DAB2IP: variants seen among roughly 807,000 people sequenced by gnomAD.
DAB2IP encodes the protein disabled homolog 2-interacting protein.
A neutral mutation model predicts 107.2 loss-of-function variants in DAB2IP; 28 were observed. The observed-to-expected ratio is 0.26, with a 90% CI of 0.19 to 0.36. DAB2IP has a LOEUF of 0.36. Among genes scored for constraint, DAB2IP ranks in the 10% least tolerant of loss-of-function variants. The pLI is 1.00. For missense variants in DAB2IP, 1,400 were observed against 1,644.7 expected, an observed-to-expected ratio of 0.85 and a Z score of 2.57; for synonymous variants, 755 against 706.4, an observed-to-expected ratio of 1.07 and a Z score of -1.09.
chr9:121,671,953 G>C (rs1479737302), intron 1 of DAB2IP, among the ~76,000 whole-genome samples: 1 of 152,202 alleles, frequency 6.6e-6, no homozygotes, highest in African/African-American at 2.4e-5. Flanking sequence ...TAGGAGGGAA[G>C]GTTCTGGCCC....
At chr9:121,679,245 G>A (rs12350307) in intron 2 of DAB2IP, among the ~76,000 whole-genome samples, 27,504 of 151,922 alleles carry the variant, frequency 0.18, 4,022 homozygotes, top group African/African-American at 0.39. Flanking sequence ...TATAACTGAT[G>A]ATGGCTTAGA....
At chr9:121,722,045 T>C (rs2091652297) in intron 3 of DAB2IP, among the ~76,000 whole-genome samples, 1 of 152,190 alleles carries the variant, frequency 6.6e-6, no homozygotes, top group African/African-American at 2.4e-5. Flanking sequence ...CCCAACACCG[T>C]CACATAAATG....
chr9:121,775,567 C>A (rs1233345725), intron 13 of DAB2IP, among the ~76,000 whole-genome samples: 2 of 152,226 alleles, frequency 1.3e-5, no homozygotes, highest in Admixed American at 1.3e-4. Context: ...CTCCTCTCTG[C>A]AGCCACGCCG....
chr9:121,692,839 G>A lies in DAB2IP; in HGVS notation c.229-6486G>A, dbSNP rs150474247. Among the ~76,000 whole-genome samples the A allele has an allele frequency of 2.0e-3, 297 of 152,306 alleles. 1 individual carries two copies. The highest frequency in any genetic ancestry group is 7.0e-3 in the African/African-American group (289 of 41,574). On this transcript the variant is annotated intron_variant, in intron 2 of 15. Transcript: ENST00000408936. ...TGAGGGGAGGAGGCCAGAGAAGCCC[G>A]GCAGCCTGCTGAGGGTAGAGACCGG...
chr9:121,746,811 G>T (rs1832752754), intron 3 of DAB2IP, among the ~76,000 whole-genome samples: 1 of 152,170 alleles, frequency 6.6e-6, no homozygotes, highest in Non-Finnish European at 1.5e-5. Flanking sequence ...TCCCACTTGG[G>T]TCTCGCATCC....
chr9:121,605,803 G>T (rs1161388212), intron 1 of DAB2IP, among the ~76,000 whole-genome samples: 2 of 152,196 alleles, frequency 1.3e-5, no homozygotes, highest in Non-Finnish European at 1.5e-5. Context: ...ACCGCACCTG[G>T]CTTCTTTAGC....
chr9:121,630,157 A>C (rs2119014331), intron 1 of DAB2IP, among the ~76,000 whole-genome samples: 1 of 152,346 alleles, frequency 6.6e-6, no homozygotes, highest in South Asian at 2.1e-4. Flanking sequence ...CCCAGTTGTC[A>C]TGGGTATCCT....
chr9:121,616,468 G>T (rs959565320), intron 1 of DAB2IP, among the ~76,000 whole-genome samples: 1 of 152,202 alleles, frequency 6.6e-6, no homozygotes, highest in Non-Finnish European at 1.5e-5. Flanking sequence ...GAGGCAGGGG[G>T]ATACCCACAT....
At chr9:121,713,820 T>G (rs1830457182) in intron 3 of DAB2IP, among the ~76,000 whole-genome samples, 1 of 152,182 alleles carries the variant, frequency 6.6e-6, no homozygotes, top group Admixed American at 6.5e-5. Context: ...GGTACTGCAT[T>G]GCCACACCTG....
intron 1 of DAB2IP, among the ~76,000 whole-genome samples, chr9:121,576,628 G>A (rs1830062803): frequency 1.3e-5 from 2 of 152,176 alleles, no homozygotes; most frequent in Non-Finnish European, 2.9e-5. Flanking sequence ...GTGAGCCACA[G>A]TGAAAACTTG....
In DAB2IP at chr9:121,776,884, TAAG is replaced by T. The variant is rs1481697250; in HGVS notation, c.3314+495_3314+497del. Among the ~76,000 whole-genome samples, 3 of 152,020 alleles carry T rather than the reference TAAG, an allele frequency of 2.0e-5. No homozygotes were observed. In the South Asian group the frequency reaches 6.3e-4, roughly 32 times the overall value. ...TACCAGTTACTGAGCTGGGAACTGTTAAGAGGAGTGGTTTGAGTGGGGAGGGAG... is the reference window on the plus strand; with the variant it reads ...TACCAGTTACTGAGCTGGGAACTGTTAGGAGTGGTTTGAGTGGGGAGGGAG... On this transcript the variant is annotated intron_variant, in intron 14 of 15. Coordinates refer to ENST00000408936, the Ensembl canonical transcript of DAB2IP. The surrounding 1 kb of genome is among the most constrained non-coding windows in gnomAD (Gnocchi z 5.4).
intron 1 of DAB2IP, among the ~76,000 whole-genome samples, chr9:121,641,974 T>G (rs149409102): frequency 8.5e-5 from 7 of 82,092 alleles, no homozygotes; most frequent in Admixed American, 1.3e-4. Flanking sequence ...CTCTCTCTCT[T>G]TCTTTCTTTC....
In DAB2IP at chr9:121,699,414, G is replaced by A. The variant is rs776767659; in HGVS notation, c.318G>A (p.Leu106=). The A allele has an allele frequency of 6.8e-7, 1 of 1,469,718 alleles. No homozygotes were observed. The highest frequency in any genetic ancestry group is 9.1e-7 in the Non-Finnish European group (1 of 1,100,638). The allele number at this position is 1,469,718 out of a possible 1,614,324, so 91.0% of individuals were successfully genotyped here. A position where few individuals can be genotyped will look rare whatever the true frequency, so the allele number is the denominator to read the frequency against. Residue 106 remains leucine (L), a synonymous_variant, in exon 3 of 16, where the codon CTG becomes CTA. Coordinates refer to ENST00000408936, the Ensembl canonical transcript of DAB2IP. This position sits in a 1 kb window ranked among gnomAD's most constrained non-coding sequence, Gnocchi z 6.2. ...GCAACCACAGCTTCCGCCACATCCT[G>A]CCGGGGTTCCGGAGCGCCGCCGCCG...
intron 3 of DAB2IP, among the ~76,000 whole-genome samples, chr9:121,740,352 A>G (rs1174751578): frequency 6.6e-6 from 1 of 152,120 alleles, no homozygotes; most frequent in African/African-American, 2.4e-5. Flanking sequence ...TTTGGACTGA[A>G]TGCTGAGTCT....
rs1240670538 is a variant in DAB2IP, at chr9:121,768,416, A to G, written c.1698-16A>G. On this transcript the variant is annotated splice_polypyrimidine_tract_variant and intron_variant, in intron 9 of 15. Coordinates refer to ENST00000408936, the Ensembl canonical transcript of DAB2IP. ...GCCTGGGCCCAGTAGTGCTCACCCAACTGCCCTCTCTCCAGATTTGGCAGC... is the reference window on the plus strand; with the variant it reads ...GCCTGGGCCCAGTAGTGCTCACCCAGCTGCCCTCTCTCCAGATTTGGCAGC... 6.8e-6 allele frequency: 11 copies of G among 1,614,064 alleles called. No individual in the cohort carries two copies. The highest frequency in any genetic ancestry group is 1.7e-5 in the Admixed American group (1 of 60,024).
At chr9:121,615,887 A>G (rs551458042) in intron 1 of DAB2IP, among the ~76,000 whole-genome samples, 3 of 152,170 alleles carry the variant, frequency 2.0e-5, no homozygotes, top group Admixed American at 2.0e-4. Context: ...TGGCCTCCCA[A>G]AGTGCTGGGA....
At chr9:121,612,065 G>A (rs767486122) in intron 1 of DAB2IP, among the ~76,000 whole-genome samples, 6 of 152,020 alleles carry the variant, frequency 3.9e-5, no homozygotes, top group Non-Finnish European at 8.8e-5. Flanking sequence ...AGAACTTACT[G>A]CCTTTGGTGA....
rs1189741003 is a variant in DAB2IP, at chr9:121,736,060, G to A, written c.363-20953G>A. Among the ~76,000 whole-genome samples, 1 of 152,254 alleles carries A rather than the reference G, an allele frequency of 6.6e-6. No individual in the cohort carries two copies. The highest frequency in any genetic ancestry group is 1.9e-4 in the East Asian group (1 of 5,186). On this transcript the variant is annotated intron_variant, in intron 3 of 15. Coordinates refer to ENST00000408936, the Ensembl canonical transcript of DAB2IP. The surrounding 1 kb of genome is among the most constrained non-coding windows in gnomAD (Gnocchi z 4.6). ...CCCGGGACTGCTGCCTGGGAACCCA[G>A]TGCCCTTCTCAGCTTAGGCTGTCTA...
chr9:121,693,470 C>T (rs1018300249), intron 2 of DAB2IP, among the ~76,000 whole-genome samples: 14 of 152,344 alleles, frequency 9.2e-5, no homozygotes, highest in Middle Eastern at 6.8e-3. Context: ...TTTAGATGTG[C>T]TTTTGGCATT....
Sources: gnomAD v4.1 joint callset for allele counts (sites outside exome capture counted in the v4.1 genomes callset) on GRCh38, gnomAD v4.1.1 for gene constraint, Gnocchi (gnomAD v3.1) non-coding constraint, MANE v1.5 for transcripts, NCBI Gene and HGNC (gene_info 2026-07-23, HGNC 2026-07-21) for gene names.